The following OPCML variants were observed in gnomAD, a reference collection of about 807,000 sequenced individuals.
OPCML encodes opioid-binding protein/cell adhesion molecule.
Under a neutral mutation model 37.8 loss-of-function variants are expected in OPCML, and 13 were observed. The observed-to-expected ratio is 0.34, with a 90% confidence interval of 0.22 to 0.55. OPCML has a LOEUF of 0.55. Among genes scored for constraint, OPCML ranks in the 20% least tolerant of loss-of-function variants. The pLI, the probability that OPCML is intolerant of heterozygous loss-of-function variation, is 0.91. For missense variants in OPCML, 341 were observed against 435.6 expected (o/e 0.78, Z 1.93); for synonymous variants, 176 against 168.8 (o/e 1.04, Z -0.33).
intron 1 of OPCML, among the ~76,000 whole-genome samples, chr11:133,295,411 C>T (rs1210314309): frequency 6.6e-6 from 1 of 152,128 alleles, no homozygotes; most frequent in Non-Finnish European, 1.5e-5. Flanking sequence ...TTACACCGAT[C>T]TGAACTTTGA....
chr11:132,821,055 G>A (rs939322768), intron 2 of OPCML, among the ~76,000 whole-genome samples: 27 of 152,226 alleles, frequency 1.8e-4, no homozygotes, highest in African/African-American at 6.3e-4. Context: ...CACAAGGAAA[G>A]CCTTCTCTGG....
At chr11:132,899,675 A>G (rs1014744203) in intron 2 of OPCML, among the ~76,000 whole-genome samples, 3 of 152,012 alleles carry the variant, frequency 2.0e-5, no homozygotes, top group Non-Finnish European at 4.4e-5. Context: ...ATAAAGCATT[A>G]TTTTGGGGTG....
At chr11:132,667,313 G>A (rs917740173) in intron 2 of OPCML, among the ~76,000 whole-genome samples, 2 of 152,188 alleles carry the variant, frequency 1.3e-5, no homozygotes, top group African/African-American at 4.8e-5. Flanking sequence ...CATATCACCT[G>A]TGCATCTTAA....
intron 1 of OPCML, among the ~76,000 whole-genome samples, chr11:133,003,103 G>A (rs1459985308): frequency 6.6e-6 from 1 of 152,196 alleles, no homozygotes; most frequent in Non-Finnish European, 1.5e-5. Context: ...AAGAAGATTT[G>A]CTTCATTAAG....
chr11:133,162,080 T>A (rs1950150650), intron 1 of OPCML, among the ~76,000 whole-genome samples: 1 of 146,710 alleles, frequency 6.8e-6, no homozygotes, highest in Admixed American at 7.0e-5. Flanking sequence ...GGGACAGGGA[T>A]TTTCTTTTTC....
chr11:133,049,349 G>A, intron 1 of OPCML, among the ~76,000 whole-genome samples: 1 of 152,304 alleles, frequency 6.6e-6, no homozygotes, highest in East Asian at 1.9e-4. Flanking sequence ...TACTGAGCAA[G>A]CTGTCTCTTA....
chr11:133,255,910 G>A (rs547398234), intron 1 of OPCML, among the ~76,000 whole-genome samples: 21 of 152,324 alleles, frequency 1.4e-4, no homozygotes, highest in Admixed American at 2.0e-4. Flanking sequence ...CAATGGAAAT[G>A]TCTCCAAGTT....
intron 1 of OPCML, among the ~76,000 whole-genome samples, chr11:132,995,361 G>A (rs1946862175): frequency 6.6e-6 from 1 of 152,116 alleles, no homozygotes; most frequent in South Asian, 2.1e-4. Flanking sequence ...AGTCATAGAA[G>A]GAGTAGTAGT....
chr11:133,386,889 G>A (rs1167922355), intron 1 of OPCML, among the ~76,000 whole-genome samples: 1 of 152,208 alleles, frequency 6.6e-6, no homozygotes, highest in African/African-American at 2.4e-5. Context: ...CGTGAGGGCA[G>A]ACAGAATGCT....
At chr11:132,427,119 A>G (rs966950278) in intron 7 of OPCML, among the ~76,000 whole-genome samples, 2 of 152,140 alleles carry the variant, frequency 1.3e-5, no homozygotes, top group African/African-American at 4.8e-5. Context: ...TTCTACTAAA[A>G]TGGCAGATGG....
At chr11:133,417,264 G>C (rs1377458710) in intron 1 of OPCML, among the ~76,000 whole-genome samples, 1 of 152,160 alleles carries the variant, frequency 6.6e-6, no homozygotes, top group Non-Finnish European at 1.5e-5. Context: ...GTCAAAACCT[G>C]GTGCTGCAAT....
chr11:132,632,633 G>A (rs1055696914), intron 3 of OPCML, among the ~76,000 whole-genome samples: 9 of 151,868 alleles, frequency 5.9e-5, no homozygotes, highest in Non-Finnish European at 1.0e-4. Context: ...TAGCCAGCCC[G>A]GTATATCTAC....
chr11:132,915,102 G>A (rs563402204), intron 2 of OPCML, among the ~76,000 whole-genome samples: 14 of 152,234 alleles, frequency 9.2e-5, no homozygotes, highest in Non-Finnish European at 1.6e-4. Context: ...TCTAGTAATA[G>A]AGAAGTATAC....
At chr11:132,794,518 G>A (rs1938172347) in intron 2 of OPCML, among the ~76,000 whole-genome samples, 1 of 152,094 alleles carries the variant, frequency 6.6e-6, no homozygotes, top group Admixed American at 6.6e-5. Flanking sequence ...TTCCTCACTG[G>A]AAGATAATGG....
chr11:132,668,478 A>G (rs893661199), intron 2 of OPCML, among the ~76,000 whole-genome samples: 1 of 152,168 alleles, frequency 6.6e-6, no homozygotes, highest in Non-Finnish European at 1.5e-5. Context: ...TATTTTCCTC[A>G]TGGCATTACA....
chr11:133,017,714 T>C (rs1379180587), intron 1 of OPCML, among the ~76,000 whole-genome samples: 1 of 152,206 alleles, frequency 6.6e-6, no homozygotes, highest in Admixed American at 6.5e-5. Context: ...AGTTTATATC[T>C]TTGATGCTTA....
chr11:133,405,472 C>T (rs1389022724), intron 1 of OPCML, among the ~76,000 whole-genome samples: 1 of 152,200 alleles, frequency 6.6e-6, no homozygotes, highest in African/African-American at 2.4e-5. Flanking sequence ...CTGTTGCCAT[C>T]TGCATTTGGG....
At chr11:133,407,427 C>T (rs891003152) in intron 1 of OPCML, among the ~76,000 whole-genome samples, 3 of 152,074 alleles carry the variant, frequency 2.0e-5, no homozygotes, top group Admixed American at 6.5e-5. Context: ...ACATTTTGTG[C>T]TTGAGAGAGC....
intron 3 of OPCML, among the ~76,000 whole-genome samples, chr11:132,564,991 C>T (rs2096419069): frequency 1.3e-5 from 2 of 152,154 alleles, no homozygotes; most frequent in African/African-American, 2.4e-5. Flanking sequence ...CAAATCTCAC[C>T]TTGTTATGTT....
Sources: gnomAD v4.1 joint callset for allele counts (sites outside exome capture counted in the v4.1 genomes callset) on GRCh38, gnomAD v4.1.1 for gene constraint, MANE v1.5 for transcripts, NCBI Gene and HGNC (gene_info 2026-07-23, HGNC 2026-07-21) for gene names.